Variants in MAP2K1 observed in about 807,000 individuals in gnomAD.
The protein encoded by MAP2K1 is mitogen-activated protein kinase kinase 1, also known as dual specificity mitogen-activated protein kinase kinase 1.
A neutral mutation model predicts 46.3 loss-of-function variants in MAP2K1; 16 were observed. That is an observed-to-expected ratio of 0.35 (90% confidence interval 0.23 to 0.52). The LOEUF (loss-of-function observed/expected upper bound fraction) is 0.52. MAP2K1 is among the 20% of genes least tolerant of loss of function. The probability of loss-of-function intolerance (pLI) is 0.94; values close to 1 mark genes in which losing one functional copy is unlikely to be tolerated. For missense variants in MAP2K1, 263 were observed against 497.1 expected (o/e 0.53, Z 4.48); for synonymous variants, 183 against 185.6 (o/e 0.99, Z 0.11).
intron 5 of MAP2K1, among the ~76,000 whole-genome samples, chr15:66,456,101 A>C (rs1175072859): frequency 6.6e-6 from 1 of 152,204 alleles, no homozygotes; most frequent in Non-Finnish European, 1.5e-5. Flanking sequence ...CCCATCAAAG[A>C]GAAGTAATTC....
chr15:66,484,142 C>G (rs77428206), intron 6 of MAP2K1, among the ~76,000 whole-genome samples: 17 of 151,246 alleles, frequency 1.1e-4, no homozygotes, highest in Non-Finnish European at 2.2e-4. Context: ...AGCCACCACC[C>G]CCCCCCACCT....
chr15:66,487,573 A>AGG, intron 8 of MAP2K1, among the ~76,000 whole-genome samples: 1 of 152,174 alleles, frequency 6.6e-6, no homozygotes, highest in East Asian at 1.9e-4. Context: ...TGGGAGGCGG[A>AGG]GGTTGACTCT....
intron 5 of MAP2K1, among the ~76,000 whole-genome samples, chr15:66,479,961 A>G (rs756054214): frequency 2.6e-5 from 4 of 151,908 alleles, no homozygotes; most frequent in Non-Finnish European, 5.9e-5. Context: ...CTGGAGTGCA[A>G]TGGCGTGGTC....
chr15:66,427,415 C>T (rs914878862), intron 1 of MAP2K1, among the ~76,000 whole-genome samples: 6 of 151,852 alleles, frequency 4.0e-5, no homozygotes, highest in South Asian at 4.2e-4. Flanking sequence ...AAAAATTAGC[C>T]GGGTGTGGTG....
intron 5 of MAP2K1, among the ~76,000 whole-genome samples, chr15:66,448,697 G>C (rs1477638137): frequency 6.6e-6 from 1 of 152,066 alleles, no homozygotes; most frequent in Non-Finnish European, 1.5e-5. Flanking sequence ...CCACCAAACT[G>C]CATTGTTAAG....
At chr15:66,391,741 C>A (rs560405654) in intron 1 of MAP2K1, among the ~76,000 whole-genome samples, 57 of 152,308 alleles carry the variant, frequency 3.7e-4, no homozygotes, top group Non-Finnish European at 6.5e-4. Context: ...CCCCTTTATG[C>A]TCATTCCTTT....
At chr15:66,483,069 G>A (rs1011970811) in intron 6 of MAP2K1, among the ~76,000 whole-genome samples, 2 of 152,194 alleles carry the variant, frequency 1.3e-5, no homozygotes, top group African/African-American at 2.4e-5. Context: ...ATTCAGGGAG[G>A]TTAAGCAACC....
At chr15:66,419,381 G>C (rs914028269) in intron 1 of MAP2K1, among the ~76,000 whole-genome samples, 3 of 151,850 alleles carry the variant, frequency 2.0e-5, no homozygotes, top group Non-Finnish European at 2.9e-5. Flanking sequence ...TTAGTCGGGC[G>C]TGGTGGTGCA....
At chr15:66,442,724 A>G (rs1179960138) in intron 3 of MAP2K1, among the ~76,000 whole-genome samples, 37 of 152,150 alleles carry the variant, frequency 2.4e-4, no homozygotes, top group Admixed American at 2.4e-3. Flanking sequence ...CCAGATGATC[A>G]TGTCAGATCC....
chr15:66,440,819 G>A (rs2093501642), intron 3 of MAP2K1, among the ~76,000 whole-genome samples: 1 of 152,176 alleles, frequency 6.6e-6, no homozygotes, highest in African/African-American at 2.4e-5. Context: ...TTAGAAAGTT[G>A]TATGGTTAGT....
At chr15:66,454,883 G>A (rs534972955) in intron 5 of MAP2K1, among the ~76,000 whole-genome samples, 503 of 140,004 alleles carry the variant, frequency 3.6e-3, no homozygotes, top group Non-Finnish European at 5.4e-3. Context: ...ACTCTGTCTC[G>A]AAAAAAAAAA....
chr15:66,457,508 A>G (rs905802550), intron 5 of MAP2K1, among the ~76,000 whole-genome samples: 6 of 152,210 alleles, frequency 3.9e-5, no homozygotes, highest in Admixed American at 2.0e-4. Flanking sequence ...CTTTTGTGCT[A>G]TAATGGTAAA....
At chr15:66,397,250 G>GC (rs568979412) in intron 1 of MAP2K1, among the ~76,000 whole-genome samples, 137 of 148,592 alleles carry the variant, frequency 9.2e-4, no homozygotes, top group Middle Eastern at 3.7e-3. Context: ...TGATCCGCCT[G>GC]CCTCGGCCTC....
In MAP2K1 at chr15:66,420,847, A is replaced by G. The variant is rs111217981; in HGVS notation, c.81-14180A>G. On this transcript the variant is annotated intron_variant, in intron 1 of 10. Transcript: ENST00000307102. ...TATATATGTGTATATATATGTGTGT[A>G]TATATATGTGTGTATATATATGTGT... Among the ~76,000 whole-genome samples the G allele has an allele frequency of 3.3e-3, 223 of 67,972 alleles. 41 individuals carry two copies. The highest frequency in any genetic ancestry group is 0.028 in the Middle Eastern group (3 of 108). 44.6% of individuals were successfully genotyped at this position (67,972 alleles called of 152,430 possible). A position where few individuals can be genotyped will look rare whatever the true frequency, so the allele number is the denominator to read the frequency against.
At chr15:66,391,720 CCTTTT>C (rs761231851) in intron 1 of MAP2K1, among the ~76,000 whole-genome samples, 40 of 152,260 alleles carry the variant, frequency 2.6e-4, no homozygotes, top group Middle Eastern at 6.8e-3. Context: ...TATGTCTTTT[CCTTTT>C]CTTTTCCCCT....
At chr15:66,425,721 A>G (rs1205745162) in intron 1 of MAP2K1, among the ~76,000 whole-genome samples, 1 of 152,244 alleles carries the variant, frequency 6.6e-6, no homozygotes, top group Non-Finnish European at 1.5e-5. Context: ...TATTAGTTCA[A>G]CAGTGAGAAA....
chr15:66,428,936 C>T lies in MAP2K1; in HGVS notation c.81-6091C>T, dbSNP rs372960850. Among the ~76,000 whole-genome samples, 71 of 151,996 alleles carry T rather than the reference C, an allele frequency of 4.7e-4. 1 individual carries two copies. The East Asian group carries it at 0.011, about 24-fold the overall frequency. ...CTGTGATTACAAGCACACGCCACCACGCCTGGCTAATTTTTCTATTTTTTG... is the reference window on the plus strand; with the variant it reads ...CTGTGATTACAAGCACACGCCACCATGCCTGGCTAATTTTTCTATTTTTTG... On this transcript the variant is annotated intron_variant, in intron 1 of 10. Transcript: ENST00000307102.
chr15:66,487,180 A>C lies in MAP2K1; in HGVS notation c.896-48A>C, dbSNP rs199866229. Reference sequence around the variant, plus strand: ...GCCCAACCCCTTGCCTCATATTAACAAGTAATCTGTTTCTGAGAAGTATTT... The same window carrying C: ...GCCCAACCCCTTGCCTCATATTAACCAGTAATCTGTTTCTGAGAAGTATTT... On this transcript the variant is annotated intron_variant, in intron 7 of 10. Transcript: ENST00000307102. 23 of 1,532,894 alleles carry C rather than the reference A, an allele frequency of 1.5e-5. No homozygotes were observed. The African/African-American group carries it at 3.1e-4, about 21-fold the overall frequency. The allele number at this position is 1,532,894 out of a possible 1,614,324, so 95.0% of individuals were successfully genotyped here.
At chr15:66,468,811 A>G (rs1892534812) in intron 5 of MAP2K1, among the ~76,000 whole-genome samples, 1 of 151,482 alleles carries the variant, frequency 6.6e-6, no homozygotes, top group African/African-American at 2.4e-5. Flanking sequence ...CGTGCCTGTA[A>G]TCCCAACTAC....
Sources: gnomAD v4.1 joint callset for allele counts (sites outside exome capture counted in the v4.1 genomes callset) on GRCh38, gnomAD v4.1.1 for gene constraint, MANE v1.5 for transcripts, NCBI Gene and HGNC (gene_info 2026-07-23, HGNC 2026-07-21) for gene names.